The following TNNI3K variants were observed in gnomAD, a reference collection of about 807,000 sequenced individuals.
The protein encoded by TNNI3K is TNNI3 interacting kinase, also known as serine/threonine-protein kinase TNNI3K.
Under a neutral mutation model 114.5 loss-of-function variants are expected in TNNI3K, and 140 were observed. That is an observed-to-expected ratio of 1.22 (90% CI 1.07 to 1.41). The LOEUF is 1.41. Among genes scored for constraint, TNNI3K ranks in the 40% most tolerant of loss-of-function variants. The pLI is 0.00. For missense variants in TNNI3K, 1,125 were observed against 1,007.6 expected (o/e 1.12, Z -1.58); for synonymous variants, 347 against 347.5 (o/e 1.00, Z 0.02).
chr1:74,329,112 T>A (rs1464573996), intron 5 of TNNI3K, among the ~76,000 whole-genome samples: 2 of 152,114 alleles, frequency 1.3e-5, no homozygotes, highest in Non-Finnish European at 2.9e-5. Context: ...TTAGTGTTAA[T>A]AAAATCAAGG....
chr1:74,472,709 C>A (rs953206546), intron 21 of TNNI3K, among the ~76,000 whole-genome samples: 6 of 152,020 alleles, frequency 3.9e-5, no homozygotes, highest in African/African-American at 1.2e-4. Flanking sequence ...GAGACCATAT[C>A]TGTTTTATTT....
At chr1:74,515,654 G>A (rs898656127) in intron 23 of TNNI3K, among the ~76,000 whole-genome samples, 1 of 152,150 alleles carries the variant, frequency 6.6e-6, no homozygotes, top group Admixed American at 6.5e-5. Flanking sequence ...TCAAACTAAG[G>A]GGATCATGGT....
intron 5 of TNNI3K, among the ~76,000 whole-genome samples, chr1:74,326,931 A>C (rs1407079267): frequency 6.6e-6 from 1 of 152,024 alleles, no homozygotes; most frequent in Admixed American, 6.6e-5. Flanking sequence ...AAATACAAAA[A>C]TTAGCTGGGC....
At chr1:74,517,075 T>C (rs541046498) in intron 23 of TNNI3K, among the ~76,000 whole-genome samples, 3 of 152,348 alleles carry the variant, frequency 2.0e-5, no homozygotes, top group African/African-American at 7.2e-5. Context: ...ATTATTTAAT[T>C]CAGCTTTTCC....
intron 5 of TNNI3K, among the ~76,000 whole-genome samples, chr1:74,287,410 A>G (rs1657400062): frequency 6.6e-6 from 1 of 152,218 alleles, no homozygotes; most frequent in African/African-American, 2.4e-5. Context: ...GAGACACATC[A>G]TAATTAAATT....
In TNNI3K at chr1:74,358,244, A is replaced by G. The variant is rs146009524; in HGVS notation, c.1177+4115A>G. On this transcript the variant is annotated intron_variant, in intron 11 of 24. Transcript: ENST00000326637. ...TACAGAGGCTCCTATCACAATATCA[A>G]ATTACCCAGAATACAATATTTGTAT... Among the ~76,000 whole-genome samples the G allele has an allele frequency of 4.7e-3, 721 of 152,212 alleles. 1 individual carries two copies. The highest frequency in any genetic ancestry group is 0.024 in the Middle Eastern group (7 of 294).
At chr1:74,442,194 C>T (rs1422948663) in intron 20 of TNNI3K, among the ~76,000 whole-genome samples, 1 of 151,188 alleles carries the variant, frequency 6.6e-6, no homozygotes, top group Non-Finnish European at 1.5e-5. Context: ...TACAGATGTC[C>T]AATTCTTTTC....
At chr1:74,461,749 T>A (rs1195869148) in intron 20 of TNNI3K, among the ~76,000 whole-genome samples, 1 of 152,230 alleles carries the variant, frequency 6.6e-6, no homozygotes, top group East Asian at 1.9e-4. Flanking sequence ...ATAATTGTTG[T>A]ACCGAAGTCT....
chr1:74,346,791 G>C (rs553005762), intron 9 of TNNI3K, among the ~76,000 whole-genome samples: 4 of 151,564 alleles, frequency 2.6e-5, no homozygotes, highest in South Asian at 4.2e-4. Context: ...CCAAGATCAA[G>C]GTGTCAACAG....
At chr1:74,267,479 G>A (rs1462171889) in intron 4 of TNNI3K, among the ~76,000 whole-genome samples, 1 of 151,950 alleles carries the variant, frequency 6.6e-6, no homozygotes, top group African/African-American at 2.4e-5. Context: ...CACTTACAAA[G>A]TAAGGTTCAG....
intron 4 of TNNI3K, among the ~76,000 whole-genome samples, chr1:74,262,210 G>T (rs140385605): frequency 1.3e-5 from 2 of 152,100 alleles, no homozygotes; most frequent in South Asian, 4.1e-4. Context: ...TGACAATTTG[G>T]ATTGGATAAT....
intron 23 of TNNI3K, chr1:74,512,625 GC>G (rs1356018120): frequency 2.0e-5 from 3 of 152,150 alleles, no homozygotes; most frequent in Non-Finnish European, 4.4e-5. Flanking sequence ...TCAGCCATAT[GC>G]CTTATTCCTC....
intron 23 of TNNI3K, among the ~76,000 whole-genome samples, chr1:74,509,747 CTTTTTTTT>C (rs68193106): frequency 3.8e-4 from 18 of 47,786 alleles, no homozygotes; most frequent in African/African-American, 6.8e-4. Context: ...ATCTGAATTT[CTTTTTTTT>C]TTTTTTTTTT....
At chr1:74,417,369 C>T (rs535857298) in intron 17 of TNNI3K, among the ~76,000 whole-genome samples, 7 of 152,178 alleles carry the variant, frequency 4.6e-5, no homozygotes, top group Admixed American at 3.9e-4. Flanking sequence ...AATGCAGGCC[C>T]ATGTCCTCAA....
intron 4 of TNNI3K, among the ~76,000 whole-genome samples, chr1:74,264,445 A>G (rs1655851403): frequency 6.6e-6 from 1 of 152,044 alleles, no homozygotes; most frequent in Non-Finnish European, 1.5e-5. Flanking sequence ...CCTAAAGGAA[A>G]ACTTAATAAT....
chr1:74,277,105 C>A (rs1656730995), intron 5 of TNNI3K, among the ~76,000 whole-genome samples: 1 of 152,068 alleles, frequency 6.6e-6, no homozygotes, highest in African/African-American at 2.4e-5. Flanking sequence ...ATACGCTTTC[C>A]CAGGCATGGA....
intron 2 of TNNI3K, chr1:74,240,226 C>T (rs1226259578): frequency 3.0e-5 from 6 of 198,048 alleles, no homozygotes; most frequent in Non-Finnish European, 6.4e-5. Context: ...AAACTAATAA[C>T]TTAGGGCTTA....
At chr1:74,248,407 C>T (rs1238532056) in intron 2 of TNNI3K, among the ~76,000 whole-genome samples, 5 of 152,148 alleles carry the variant, frequency 3.3e-5, no homozygotes, top group South Asian at 2.1e-4. Flanking sequence ...GAGTTGGCAC[C>T]GTGGCCTGAG....
intron 4 of TNNI3K, among the ~76,000 whole-genome samples, chr1:74,264,654 T>C (rs1051618684): frequency 1.4e-4 from 22 of 152,194 alleles, no homozygotes; most frequent in African/African-American, 5.1e-4. Context: ...TCTTGGAGTT[T>C]GGTATGACAC....
Sources: allele counts gnomAD v4.1 joint callset (sites outside exome capture counted in the v4.1 genomes callset), GRCh38; gene constraint gnomAD v4.1.1; transcripts MANE v1.5; gene names NCBI Gene and HGNC (gene_info 2026-07-23, HGNC 2026-07-21).